The following CMSS1 variants were observed in gnomAD, a reference collection of about 807,000 sequenced individuals.
CMSS1 encodes the protein protein CMSS1.
In CMSS1, 33 loss-of-function variants were observed where a neutral mutation model predicts 43.5. That is an observed-to-expected ratio of 0.76 (90% CI 0.57 to 1.01). CMSS1 has a LOEUF of 1.01. CMSS1 is among the 50% of genes least tolerant of loss of function. The pLI is 0.00. For synonymous variants in CMSS1, 115 were observed against 117.2 expected, an observed-to-expected ratio of 0.98 and a Z score of 0.12; for missense variants, 313 against 326.4, an observed-to-expected ratio of 0.96 and a Z score of 0.32.
chr3:100,074,044 G>A (rs915601506), intron 1 of CMSS1, among the ~76,000 whole-genome samples: 6 of 152,050 alleles, frequency 3.9e-5, no homozygotes, highest in Non-Finnish European at 7.4e-5. Context: ...TGTTAACTGC[G>A]GGAAAAGGTT....
intron 1 of CMSS1, among the ~76,000 whole-genome samples, chr3:99,956,278 C>T (rs1352176658): frequency 6.6e-6 from 1 of 152,212 alleles, no homozygotes; most frequent in Non-Finnish European, 1.5e-5. Flanking sequence ...CACCTCTTCA[C>T]ATCTTTACAC....
Position 100,167,741 on chromosome 3 carries a change from G to C in CMSS1, c.419G>C (p.Cys140Ser). Residue 140 changes from cysteine (C) to serine (S), a missense_variant, in exon 6 of 10, where the codon TGT becomes TCT. Cys to Ser is a moderately radical substitution (Grantham distance 112). Transcript: ENST00000421999. ...HSLSSYLKEI[C>S]PKWVKLRKNH... ...TGTTTTCTGTTCTTTTTTCCAGTTT[G>C]TCCTAAGTGGGTAAAACTTAGGAAG... The C allele has an allele frequency of 6.2e-7, 1 of 1,605,822 alleles. No individual in the cohort carries two copies. The highest frequency in any genetic ancestry group is 8.5e-7 in the Non-Finnish European group (1 of 1,174,566).
At position 100,106,197 on chromosome 3, in the gene CMSS1, G is replaced by A. The variant is rs541470141; in HGVS notation, c.65-40776G>A. Among the ~76,000 whole-genome samples, 33 of 152,250 alleles carry A rather than the reference G, an allele frequency of 2.2e-4. 1 individual carries two copies. In the South Asian group the frequency reaches 5.6e-3, roughly 26 times the overall value. On this transcript the variant is annotated intron_variant, in intron 1 of 9. Transcript: ENST00000421999. ...GAGGTTGACTTATCAAAAGGATGCAGCAACAAGTCAGTACAGCCAGGATAC... is the reference window on the plus strand; with the variant it reads ...GAGGTTGACTTATCAAAAGGATGCAACAACAAGTCAGTACAGCCAGGATAC...
chr3:100,012,528 A>T (rs1710187615), intron 1 of CMSS1, among the ~76,000 whole-genome samples: 1 of 152,198 alleles, frequency 6.6e-6, no homozygotes, highest in Non-Finnish European at 1.5e-5. Flanking sequence ...GTAGAAACTT[A>T]TGGGAATAAG....
intron 1 of CMSS1, among the ~76,000 whole-genome samples, chr3:99,887,213 G>T (rs551689350): frequency 6.6e-6 from 1 of 151,828 alleles, no homozygotes; most frequent in Non-Finnish European, 1.5e-5. Context: ...GTCGCGGTTA[G>T]CCGAGATTGA....
intron 1 of CMSS1, among the ~76,000 whole-genome samples, chr3:99,818,774 G>A (rs537090315): frequency 1.1e-4 from 17 of 152,210 alleles, no homozygotes; most frequent in Non-Finnish European, 2.2e-4. Flanking sequence ...CTAGAATTCA[G>A]TTAACACAAT....
chr3:100,000,751 C>G (rs1175801076), intron 1 of CMSS1, among the ~76,000 whole-genome samples: 2 of 152,190 alleles, frequency 1.3e-5, no homozygotes, highest in Non-Finnish European at 2.9e-5. Context: ...CCCTATTCCC[C>G]AGGAGTAGCC....
At chr3:99,939,729 G>A (rs1027151126) in intron 1 of CMSS1, among the ~76,000 whole-genome samples, 6 of 152,174 alleles carry the variant, frequency 3.9e-5, no homozygotes, top group African/African-American at 1.4e-4. Flanking sequence ...GTGAATGCTT[G>A]TAATGATACC....
intron 1 of CMSS1, among the ~76,000 whole-genome samples, chr3:99,939,640 C>T (rs1707796180): frequency 6.6e-6 from 1 of 152,052 alleles, no homozygotes; most frequent in Non-Finnish European, 1.5e-5. Flanking sequence ...GATAGTGGTT[C>T]CAGTTGGAAT....
chr3:100,057,542 C>G (rs2065486210), intron 1 of CMSS1, among the ~76,000 whole-genome samples: 1 of 152,174 alleles, frequency 6.6e-6, no homozygotes, highest in Non-Finnish European at 1.5e-5. Context: ...TATTAAAGTT[C>G]TCGTGATATG....
chr3:100,164,982 C>T (rs1470392807), intron 4 of CMSS1, among the ~76,000 whole-genome samples: 1 of 152,164 alleles, frequency 6.6e-6, no homozygotes, highest in Non-Finnish European at 1.5e-5. Context: ...AACTTCTCTG[C>T]TGTCTCCTGA....
chr3:100,068,742 C>T (rs1347309012), intron 1 of CMSS1, among the ~76,000 whole-genome samples: 1 of 152,206 alleles, frequency 6.6e-6, no homozygotes, highest in African/African-American at 2.4e-5. Context: ...ATTTTCCTGC[C>T]TCAGCCTCCC....
chr3:100,056,727 C>A (rs566500006), intron 1 of CMSS1, among the ~76,000 whole-genome samples: 1 of 150,634 alleles, frequency 6.6e-6, no homozygotes, highest in African/African-American at 2.4e-5. Context: ...GGGCCGGGCG[C>A]GGTGGCTCAC....
chr3:99,847,839 TA>T, intron 1 of CMSS1: 1 of 569,226 alleles, frequency 1.8e-6, no homozygotes, highest in South Asian at 7.6e-5. Context: ...AAGGAAGAAT[TA>T]ATAGAGACTA....
chr3:100,029,956 A>C (rs767126484), intron 1 of CMSS1, among the ~76,000 whole-genome samples: 3 of 152,204 alleles, frequency 2.0e-5, no homozygotes, highest in Non-Finnish European at 4.4e-5. Flanking sequence ...GACATGAGTG[A>C]GGACTCTAAG....
At chr3:100,126,955 G>A (rs935428936) in intron 1 of CMSS1, among the ~76,000 whole-genome samples, 6 of 151,252 alleles carry the variant, frequency 4.0e-5, no homozygotes, top group Non-Finnish European at 8.8e-5. Context: ...CCGAGATCTC[G>A]CCACTGCACT....
intron 1 of CMSS1, among the ~76,000 whole-genome samples, chr3:100,085,338 T>C (rs1398813055): frequency 6.6e-6 from 1 of 152,222 alleles, no homozygotes; most frequent in Non-Finnish European, 1.5e-5. Context: ...TCCCTTCTCC[T>C]TAAGGAATTC....
chr3:100,170,796 A>C (rs2067103810), intron 6 of CMSS1, among the ~76,000 whole-genome samples: 2 of 152,124 alleles, frequency 1.3e-5, no homozygotes, highest in South Asian at 4.1e-4. Context: ...TTGTAGATAG[A>C]TCTAGCTTCT....
chr3:100,176,218 G>A (rs1350533771), intron 8 of CMSS1, 109 bp from the exon 9 acceptor site: 2 of 685,468 alleles, frequency 2.9e-6, no homozygotes, highest in Non-Finnish European at 2.5e-6. Context: ...AGTTACTGGG[G>A]GAGAGGACAA....
Sources: gnomAD v4.1 joint callset for allele counts (sites outside exome capture counted in the v4.1 genomes callset) on GRCh38, gnomAD v4.1.1 for gene constraint, MANE v1.5 for transcripts, NCBI Gene and HGNC (gene_info 2026-07-23, HGNC 2026-07-21) for gene names.